DNAH10: variants seen among roughly 807,000 people sequenced by gnomAD.
DNAH10 encodes the protein axonemal beta dynein heavy chain 10.
Under a neutral mutation model 506.6 loss-of-function variants are expected in DNAH10, and 348 were observed. The ratio of observed to expected loss-of-function variants is 0.69; its 90% CI spans 0.63 to 0.75. The LOEUF (loss-of-function observed/expected upper bound fraction) is 0.75, where lower values mean the gene tolerates loss of function less well. Ranked by LOEUF, DNAH10 falls within the 30% of genes least tolerant of loss-of-function variation. DNAH10 has a pLI of 0.00. For synonymous variants in DNAH10, 2,059 were observed against 2,198.6 expected (o/e 0.94, Z 1.78); for missense variants, 5,179 against 5,787.1 (o/e 0.89, Z 3.41).
In DNAH10 at chr12:123,796,675, T is replaced by A. The variant is rs757264795; in HGVS notation, c.2006T>A (p.Ile669Asn). The change falls in exon 13 of 79, where the codon ATC becomes AAC. Residue 669 changes from isoleucine to asparagine, a missense_variant. Around this residue, in one of 3 missense-constraint regions of DNAH10, gnomAD observed 4,844 missense variants for 5,430.5 expected, o/e 0.89. Coordinates refer to ENST00000673944, the MANE Select transcript of DNAH10 (RefSeq NM_001372106.1). ...TTTCAGATTGACATCATTAATAAAATCTTTGTCCAGAACCTTGAAAATCCA... is the reference window on the plus strand; with the variant it reads ...TTTCAGATTGACATCATTAATAAAAACTTTGTCCAGAACCTTGAAAATCCA... ...YCKEIDIINKIFVQNLENPPL... is the reference protein window; with the variant it reads ...YCKEIDIINKNFVQNLENPPL... 1 of 1,607,626 alleles carries A rather than the reference T, an allele frequency of 6.2e-7. No individual in the cohort carries two copies. Among genetic ancestry groups the A allele is most frequent in the East Asian group, 2.2e-5 (1 of 44,800 alleles).
chr12:123,895,765 G>A (rs958204400), intron 54 of DNAH10, among the ~76,000 whole-genome samples: 2 of 152,082 alleles, frequency 1.3e-5, no homozygotes, highest in African/African-American at 4.8e-5. Flanking sequence ...CAGTGATTCA[G>A]CATCATAAAT....
chr12:123,800,399 T>C lies in DNAH10; in HGVS notation c.2462+11T>C. ...AGACAAATTCCTTAGGTAAAAAAAT[T>C]CTTCTTTTAAATTAGCAGTAAGCTT... On this transcript the variant is annotated intron_variant, in intron 15 of 78. Transcript: ENST00000673944. The C allele has an allele frequency of 1.2e-6, 2 of 1,609,704 alleles. No homozygotes were observed. Among genetic ancestry groups the C allele is most frequent in the South Asian group, 1.1e-5 (1 of 90,430 alleles).
chr12:123,862,200 T>C lies in DNAH10; in HGVS notation c.6908+1030T>C, dbSNP rs1406078950. 2.6e-5 allele frequency among the ~76,000 whole-genome samples: 4 copies of C among 152,330 alleles called. No homozygotes were observed. The East Asian group carries it at 7.7e-4, about 29-fold the overall frequency. On this transcript the variant is annotated intron_variant, in intron 39 of 78. Transcript: ENST00000673944. ...TGGGTTAAGGTGCCATTTTCCTCTTTGCAGTTGATATGCAACTCTAGGGAG... is the reference window on the plus strand; with the variant it reads ...TGGGTTAAGGTGCCATTTTCCTCTTCGCAGTTGATATGCAACTCTAGGGAG...
chr12:123,875,842 C>T (rs148057616), intron 47 of DNAH10, among the ~76,000 whole-genome samples: 44 of 152,200 alleles, frequency 2.9e-4, no homozygotes, highest in African/African-American at 9.6e-4. Context: ...CCTTCTGCTC[C>T]GGGAGCAGGT....
chr12:123,857,634 G>A (rs10773041), intron 37 of DNAH10, among the ~76,000 whole-genome samples: 65,105 of 152,082 alleles, frequency 0.43, 14,230 homozygotes, highest in Middle Eastern at 0.51. Flanking sequence ...AGGCTGAGGC[G>A]AGAGAATTGC....
intron 5 of DNAH10, among the ~76,000 whole-genome samples, chr12:123,774,879 G>A (rs1027680875): frequency 2.0e-5 from 3 of 152,188 alleles, no homozygotes; most frequent in Admixed American, 6.5e-5. Flanking sequence ...CCAGATTTTG[G>A]GGTCTTGCTC....
intron 48 of DNAH10, among the ~76,000 whole-genome samples, chr12:123,878,584 A>G (rs1370444919): frequency 2.4e-4 from 36 of 152,132 alleles, no homozygotes; most frequent in Non-Finnish European, 5.9e-5. Flanking sequence ...TTGGGGCCAG[A>G]TTGAGTTGGC....
intron 16 of DNAH10, among the ~76,000 whole-genome samples, chr12:123,803,134 C>T (rs1015255100): frequency 6.6e-6 from 1 of 152,046 alleles, no homozygotes; most frequent in African/African-American, 2.4e-5. Flanking sequence ...GCTGTCAAGT[C>T]GAAGAATCAT....
rs1388773004 is a variant in DNAH10, at chr12:123,817,786, A to G, written c.3781-1164A>G. ...AGGATTGGAGGCGTTGGGTGATGTT[A>G]TATTTTATCAGAGGAGATTTATTTT... On this transcript the variant is annotated intron_variant, in intron 21 of 78. Coordinates refer to ENST00000673944, the MANE Select transcript of DNAH10 (RefSeq NM_001372106.1). 2.0e-5 allele frequency among the ~76,000 whole-genome samples: 3 copies of G among 152,138 alleles called. No homozygotes were observed. In the East Asian group the frequency reaches 5.8e-4, roughly 29 times the overall value.
In DNAH10 at chr12:123,886,416, C is replaced by T. The variant is rs375234157; in HGVS notation, c.8824-726C>T. On this transcript the variant is annotated intron_variant, in intron 51 of 78. Coordinates refer to ENST00000673944, the MANE Select transcript of DNAH10 (RefSeq NM_001372106.1). ...AGGGGTGAGGAAGGTTTGCAGGCGA[C>T]AGGCAGAACTGGAGACCAGAGTCTA... 9.2e-5 allele frequency among the ~76,000 whole-genome samples: 14 copies of T among 152,286 alleles called. No homozygotes were observed. The East Asian group carries it at 2.5e-3, about 27-fold the overall frequency.
Position 123,841,803 on chromosome 12 carries a change from A to T in DNAH10, c.5360+258A>T, listed in dbSNP as rs554839356. 3.0e-4 allele frequency among the ~76,000 whole-genome samples: 45 copies of T among 152,238 alleles called. No individual in the cohort carries two copies. The South Asian group carries it at 3.1e-3, about 11-fold the overall frequency. On this transcript the variant is annotated intron_variant, in intron 30 of 78. Transcript: ENST00000673944. ...CTGGTTCAAGAGATTCTCCCACCTC[A>T]GTCTTCAGTGTAGCTGGGACTACAG...
At chr12:123,896,148 C>CACACACACACAGAGAGAG (rs1383690518) in intron 54 of DNAH10, among the ~76,000 whole-genome samples, 16 of 95,316 alleles carry the variant, frequency 1.7e-4, no homozygotes, top group Non-Finnish European at 2.9e-4. Context: ...CACACACACA[C>CACACACACACAGAGAGAG]AGAGAGAGAG....
chr12:123,839,224 A>C (rs1348890036), intron 29 of DNAH10, among the ~76,000 whole-genome samples: 1 of 149,524 alleles, frequency 6.7e-6, no homozygotes, highest in Non-Finnish European at 1.5e-5. Context: ...CTAAAAAAAA[A>C]AAAAAAACAA....
intron 39 of DNAH10, among the ~76,000 whole-genome samples, chr12:123,862,257 T>G (rs920009159): frequency 1.3e-5 from 2 of 152,364 alleles, no homozygotes; most frequent in Admixed American, 1.3e-4. Context: ...ATCCCATTTC[T>G]CATCCAACCT....
At chr12:123,929,240 G>T in intron 70 of DNAH10, 35 bp from the exon 71 acceptor site, 4 of 1,555,454 alleles carry the variant, frequency 2.6e-6, no homozygotes, top group South Asian at 1.2e-5. Flanking sequence ...TGGGCCTGCG[G>T]TCTCCATCAC....
At chr12:123,801,488 T>C in intron 16 of DNAH10, 56 bp downstream of exon 16, 2 of 1,566,564 alleles carry the variant, frequency 1.3e-6, no homozygotes, top group South Asian at 1.2e-5. Context: ...AGTAATTCTT[T>C]TAGGTTGTTT....
intron 5 of DNAH10, among the ~76,000 whole-genome samples, chr12:123,780,541 G>A (rs1957607374): frequency 6.6e-6 from 1 of 152,152 alleles, no homozygotes; most frequent in South Asian, 2.1e-4. Flanking sequence ...GGGCAGTTGT[G>A]TCAGGCCTGG....
rs1402801880 is a variant in DNAH10 at position 123,916,587 on chromosome 12, TAA to T, written c.10856_10857del (p.Lys3619SerfsTer18). ...ATTGACAACGTCTTAGAAAAAAATA[TAA>T]AAGTCTCCCAAGGACGGCAGTTTAT... is the stretch of plus-strand genomic sequence containing the variant. On this transcript the variant is annotated frameshift_variant, in exon 63 of 79. Transcript: ENST00000673944. LOFTEE classifies it high-confidence loss of function. This position sits in a 1 kb window ranked among gnomAD's most constrained non-coding sequence, Gnocchi z 4.6. 3.1e-6 allele frequency: 5 copies of T among 1,613,632 alleles called. No homozygotes were observed. Among genetic ancestry groups the T allele is most frequent in the Non-Finnish European group, 4.2e-6 (5 of 1,179,844 alleles).
At chr12:123,841,860 C>CT (rs1051176477) in intron 30 of DNAH10, among the ~76,000 whole-genome samples, 1 of 152,052 alleles carries the variant, frequency 6.6e-6, no homozygotes, top group Non-Finnish European at 1.5e-5. Context: ...TAATTTTGTA[C>CT]TTTTTTGTAG....
Sources: gnomAD v4.1 joint callset for allele counts (sites outside exome capture counted in the v4.1 genomes callset) on GRCh38, gnomAD v4.1.1 for gene constraint, gnomAD v4.1.1 regional missense constraint, Gnocchi (gnomAD v3.1) non-coding constraint, MANE v1.5 for transcripts, NCBI Gene and HGNC (gene_info 2026-07-23, HGNC 2026-07-21) for gene names.